The following FXR1 variants were observed in gnomAD, a reference collection of about 807,000 sequenced individuals.
FXR1 encodes FMR1 autosomal homolog 1, also known as RNA-binding protein FXR1.
FXR1 carries 15 observed loss-of-function variants against 84.0 expected under a neutral mutation model. That is an observed-to-expected ratio of 0.18 (90% confidence interval 0.12 to 0.27). FXR1 has a LOEUF of 0.27. Ranked by LOEUF, FXR1 falls within the 10% of genes least tolerant of loss-of-function variation. FXR1 has a pLI of 1.00. For missense variants in FXR1, 480 were observed against 774.4 expected, an observed-to-expected ratio of 0.62 and a Z score of 4.51; for synonymous variants, 245 against 250.7, an observed-to-expected ratio of 0.98 and a Z score of 0.21.
intron 1 of FXR1, chr3:180,915,032 C>G (rs1576875519): frequency 3.8e-6 from 2 of 522,072 alleles, no homozygotes; most frequent in Non-Finnish European, 4.9e-6. Flanking sequence ...AACAATGGAC[C>G]CCTGAACAAA....
At chr3:180,916,036 G>A (rs1365971718) in intron 1 of FXR1, among the ~76,000 whole-genome samples, 1 of 152,150 alleles carries the variant, frequency 6.6e-6, no homozygotes, top group Non-Finnish European at 1.5e-5. Flanking sequence ...GCATTTGTTG[G>A]TGGGCTATGC....
intron 1 of FXR1, among the ~76,000 whole-genome samples, chr3:180,921,297 T>TG (rs1314517180): frequency 6.8e-6 from 1 of 147,782 alleles, no homozygotes; most frequent in Non-Finnish European, 1.5e-5. Flanking sequence ...GAACCCAGGG[T>TG]GGGGGTGTGT....
chr3:180,953,325 C>T (rs1722420005), intron 8 of FXR1, among the ~76,000 whole-genome samples: 1 of 152,096 alleles, frequency 6.6e-6, no homozygotes, highest in Admixed American at 6.5e-5. Context: ...GCAAAAATAG[C>T]TTTTTAAGTC....
chr3:180,920,543 G>T (rs1455568663), intron 1 of FXR1, among the ~76,000 whole-genome samples: 1 of 144,382 alleles, frequency 6.9e-6, no homozygotes, highest in African/African-American at 2.6e-5. Context: ...TTTGAGTCTA[G>T]CTCTGTTGCC....
In FXR1 at chr3:180,948,199, T is replaced by C. The variant is rs1453394353; in HGVS notation, c.271-148T>C. On this transcript the variant is annotated intron_variant, in intron 4 of 16. Transcript: ENST00000357559. ...GAACCTATAATCTAGTTTAGGCAAA[T>C]CAGATTGATGTAGCTAAGCTGTGCT... The C allele has an allele frequency of 1.7e-5, 11 of 648,428 alleles. No homozygotes were observed. The Admixed American group carries it at 3.3e-4, about 19-fold the overall frequency. The allele number at this position is 648,428 out of a possible 1,614,324, so 40.2% of individuals were successfully genotyped here. A position where few individuals can be genotyped will look rare whatever the true frequency, so the allele number is the denominator to read the frequency against.
At chr3:180,927,873 C>T (rs1267748804) in intron 1 of FXR1, 7 of 383,084 alleles carry the variant, frequency 1.8e-5, no homozygotes, top group Non-Finnish European at 3.2e-5. Flanking sequence ...TTCTTACTCA[C>T]CTAAGAATAT....
At chr3:180,957,700 T>C (rs1236610683) in intron 9 of FXR1, 119 bp from the exon 10 acceptor site, 1 of 562,202 alleles carries the variant, frequency 1.8e-6, no homozygotes. Flanking sequence ...AGTAAAAAGA[T>C]GGGAGCTTCA....
At chr3:180,930,595 G>A (rs943108316) in intron 1 of FXR1, among the ~76,000 whole-genome samples, 3 of 152,166 alleles carry the variant, frequency 2.0e-5, no homozygotes, top group African/African-American at 7.2e-5. Flanking sequence ...TGAAAATATG[G>A]CTGTCTTCTG....
At chr3:180,929,409 T>C (rs1429720023) in intron 1 of FXR1, among the ~76,000 whole-genome samples, 2 of 152,212 alleles carry the variant, frequency 1.3e-5, no homozygotes, top group East Asian at 1.9e-4. Context: ...ATGTAAACAT[T>C]ATTGGACTGT....
At chr3:180,936,034 G>C (rs1720486000) in intron 3 of FXR1, among the ~76,000 whole-genome samples, 1 of 152,082 alleles carries the variant, frequency 6.6e-6, no homozygotes, top group Non-Finnish European at 1.5e-5. Context: ...TGGAACTACA[G>C]GCGTGTGTCA....
chr3:180,951,620 G>A, intron 8 of FXR1, 152 bp downstream of exon 8: 3 of 530,322 alleles, frequency 5.7e-6, no homozygotes, highest in Non-Finnish European at 9.8e-6. Context: ...TACTTATGAA[G>A]CTGAATTGAA....
chr3:180,969,094 A>G (rs1713208478), intron 14 of FXR1, among the ~76,000 whole-genome samples: 1 of 152,072 alleles, frequency 6.6e-6, no homozygotes. Context: ...AAATTACAAA[A>G]ACTGGAACAA....
At position 180,912,678 on chromosome 3, in the gene FXR1, G is replaced by A. The variant is rs1483737523; in HGVS notation, c.-8G>A. 1.9e-6 allele frequency: 3 copies of A among 1,614,014 alleles called. No individual in the cohort carries two copies. Among genetic ancestry groups the A allele is most frequent in the Middle Eastern group, 1.6e-4 (1 of 6,062 alleles). On this transcript the variant is annotated 5_prime_UTR_variant, in exon 1 of 17. Coordinates refer to ENST00000357559, the MANE Select transcript of FXR1 (RefSeq NM_005087.4). ...GAATCTCTTCCCAGCGGCCTTTGCG[G>A]TTCCAACATGGCGGAGCTGACGGTG...
At chr3:180,928,719 G>A (rs1719528807) in intron 1 of FXR1, among the ~76,000 whole-genome samples, 1 of 151,986 alleles carries the variant, frequency 6.6e-6, no homozygotes. Context: ...TTTTACAGCT[G>A]CCTGTTGTTT....
intron 3 of FXR1, among the ~76,000 whole-genome samples, chr3:180,943,783 A>G (rs1175191250): frequency 1.3e-5 from 2 of 152,170 alleles, no homozygotes; most frequent in Admixed American, 1.3e-4. Flanking sequence ...GTGAAAATAG[A>G]ATAAGGGGGT....
chr3:180,937,537 T>A (rs1360567724), intron 3 of FXR1, among the ~76,000 whole-genome samples: 1 of 152,216 alleles, frequency 6.6e-6, no homozygotes, highest in East Asian at 1.9e-4. Context: ...CACGTTATGT[T>A]TTATGATTCA....
chr3:180,939,810 C>T (rs1720930960), intron 3 of FXR1, among the ~76,000 whole-genome samples: 1 of 152,072 alleles, frequency 6.6e-6, no homozygotes, highest in Admixed American at 6.6e-5. Flanking sequence ...TCTAGGAATC[C>T]TTTGAAGGAA....
intron 1 of FXR1, among the ~76,000 whole-genome samples, chr3:180,914,022 A>G (rs1420372482): frequency 6.6e-6 from 1 of 152,318 alleles, no homozygotes; most frequent in African/African-American, 2.4e-5. Flanking sequence ...ACGTGGTACC[A>G]GCATAATGGG....
chr3:180,982,548 T>A lies in FXR1; in HGVS notation c.*6256T>A, dbSNP rs1714662144. The A allele has an allele frequency of 6.6e-6, 1 of 152,192 alleles. No homozygotes were observed. The highest frequency in any genetic ancestry group is 2.1e-4 in the South Asian group (1 of 4,838). 9.4% of individuals were successfully genotyped at this position (152,192 alleles called of 1,614,324 possible). Reference sequence around the variant, plus strand: ...CCTGTCTTAAAACGGGTATGTTGTTTGCACTGAACCCTCAAAAGTATTTAT... The same window carrying A: ...CCTGTCTTAAAACGGGTATGTTGTTAGCACTGAACCCTCAAAAGTATTTAT... On this transcript the variant is annotated 3_prime_UTR_variant, in exon 17 of 17. Coordinates refer to ENST00000357559, the MANE Select transcript of FXR1 (RefSeq NM_005087.4).
Sources: allele counts gnomAD v4.1 joint callset (sites outside exome capture counted in the v4.1 genomes callset), GRCh38; gene constraint gnomAD v4.1.1; transcripts MANE v1.5; gene names NCBI Gene and HGNC (gene_info 2026-07-23, HGNC 2026-07-21).